Variants in WDR72 observed in about 807,000 individuals in gnomAD.
WDR72 encodes WD repeat domain 72, also known as WD repeat-containing protein 72.
In WDR72, 120 loss-of-function variants were observed where a neutral mutation model predicts 124.2. The observed-to-expected ratio is 0.97, with a 90% CI of 0.83 to 1.12. WDR72 has a LOEUF of 1.12. Ranked by LOEUF, WDR72 falls within the 50% of genes most tolerant of loss-of-function variation. WDR72 has a pLI of 0.00. For synonymous variants in WDR72, 452 were observed against 441.7 expected (o/e 1.02, Z -0.29); for missense variants, 1,387 against 1,278.8 (o/e 1.08, Z -1.29).
At chr15:53,737,355 A>G (rs989017570) in intron 1 of WDR72, among the ~76,000 whole-genome samples, 19 of 152,226 alleles carry the variant, frequency 1.2e-4, no homozygotes, top group African/African-American at 4.6e-4. Flanking sequence ...GAATGAATAA[A>G]TGGATTAAAC....
At chr15:53,636,451 T>G (rs74015841) in intron 14 of WDR72, among the ~76,000 whole-genome samples, 11,838 of 152,124 alleles carry the variant, frequency 0.078, 1,528 homozygotes, top group African/African-American at 0.27. Context: ...TTTTTAAAAA[T>G]TAAATTAAAT....
intron 14 of WDR72, among the ~76,000 whole-genome samples, chr15:53,637,662 T>C (rs117648190): frequency 0.014 from 2,148 of 152,286 alleles, 42 homozygotes; most frequent in East Asian, 0.095. Context: ...TGTGTGCTTT[T>C]CCCTGTGCCT....
At chr15:53,646,249 C>A (rs1168909299) in intron 14 of WDR72, among the ~76,000 whole-genome samples, 1 of 151,996 alleles carries the variant, frequency 6.6e-6, no homozygotes, top group Admixed American at 6.6e-5. Flanking sequence ...AACCAAAGTC[C>A]TAATTATAAA....
chr15:53,563,994 G>A (rs1001683441), intron 18 of WDR72, among the ~76,000 whole-genome samples: 9 of 151,850 alleles, frequency 5.9e-5, no homozygotes, highest in African/African-American at 2.2e-4. Context: ...CCAACTTGAT[G>A]TATAAGTGAA....
At chr15:53,630,632 CA>C (rs1458398212) in intron 14 of WDR72, among the ~76,000 whole-genome samples, 1 of 152,008 alleles carries the variant, frequency 6.6e-6, no homozygotes, top group Non-Finnish European at 1.5e-5. Flanking sequence ...AATAGATGCA[CA>C]AAAAGCATTT....
intron 17 of WDR72, among the ~76,000 whole-genome samples, chr15:53,604,608 C>G (rs556360270): frequency 4.4e-5 from 6 of 135,856 alleles, no homozygotes; most frequent in Non-Finnish European, 9.9e-5. Flanking sequence ...CATCCAGAGT[C>G]TACAAAGAAC....
chr15:53,529,764 C>T (rs947678094), intron 18 of WDR72, among the ~76,000 whole-genome samples: 1 of 151,884 alleles, frequency 6.6e-6, no homozygotes, highest in African/African-American at 2.4e-5. Context: ...GGATGGGGTC[C>T]ATGAAGTCAT....
intron 14 of WDR72, among the ~76,000 whole-genome samples, chr15:53,621,432 T>TATATATAC (rs1555414990): frequency 3.1e-5 from 4 of 127,822 alleles, no homozygotes; most frequent in Non-Finnish European, 5.0e-5. Flanking sequence ...GAAACTGTGA[T>TATATATAC]ATATATATAT....
chr15:53,582,989 A>G (rs1246429245), intron 18 of WDR72, among the ~76,000 whole-genome samples: 1 of 151,982 alleles, frequency 6.6e-6, no homozygotes, highest in Admixed American at 6.6e-5. Context: ...AAATGTAGCT[A>G]GAGTAAAATA....
intron 1 of WDR72, among the ~76,000 whole-genome samples, chr15:53,753,291 G>T (rs1024790313): frequency 6.6e-6 from 1 of 152,200 alleles, no homozygotes; most frequent in African/African-American, 2.4e-5. Context: ...CAGAAATACA[G>T]GCCTATATGG....
chr15:53,591,373 G>A lies in WDR72; in HGVS notation c.3148+5706C>T, dbSNP rs575303383. Among the ~76,000 whole-genome samples the A allele has an allele frequency of 2.0e-3, 298 of 152,100 alleles. 3 individuals carry two copies. Among genetic ancestry groups the A allele is most frequent in the Middle Eastern group, 3.4e-3 (1 of 294 alleles). Reference sequence around the variant, plus strand: ...AGTGATGCATAAAGATGTATTTAAAGTTTTGGAGATAGGCACTGTACAAAA... The same window carrying A: ...AGTGATGCATAAAGATGTATTTAAAATTTTGGAGATAGGCACTGTACAAAA... On this transcript the variant is annotated intron_variant, in intron 18 of 19. Coordinates refer to ENST00000360509, the MANE Select transcript of WDR72 (RefSeq NM_182758.4).
chr15:53,530,072 C>T (rs1892366575), intron 18 of WDR72, among the ~76,000 whole-genome samples: 1 of 143,566 alleles, frequency 7.0e-6, no homozygotes, highest in African/African-American at 2.7e-5. Context: ...TCCAAGGAGA[C>T]AGCTGGTGAG....
intron 14 of WDR72, among the ~76,000 whole-genome samples, chr15:53,638,456 C>T (rs952186102): frequency 2.0e-5 from 3 of 152,070 alleles, no homozygotes; most frequent in Admixed American, 2.0e-4. Flanking sequence ...GGCAACATGC[C>T]AAAGGCTTGT....
chr15:53,659,458 C>G (rs1170548001), intron 14 of WDR72, among the ~76,000 whole-genome samples: 1 of 152,060 alleles, frequency 6.6e-6, no homozygotes, highest in Non-Finnish European at 1.5e-5. Context: ...TAGATACAAG[C>G]CAGGCTTTGA....
At chr15:53,620,653 T>C (rs562732959) in intron 14 of WDR72, among the ~76,000 whole-genome samples, 23 of 152,130 alleles carry the variant, frequency 1.5e-4, no homozygotes, top group Non-Finnish European at 2.8e-4. Flanking sequence ...CAACCCATGA[T>C]GGATCAAGGA....
rs12909133 is a variant in WDR72 at position 53,545,694 on chromosome 15, C to G, written c.3149-22372G>C. On this transcript the variant is annotated intron_variant, in intron 18 of 19. Coordinates refer to ENST00000360509, the MANE Select transcript of WDR72 (RefSeq NM_182758.4). ...TAATTAAACTAAAGAGCTTCTGCAC[C>G]GCAAAAGAAACTACCATCAGAGTGA... 4.7e-4 allele frequency among the ~76,000 whole-genome samples: 57 copies of G among 120,372 alleles called. 7 individuals carry two copies. The highest frequency in any genetic ancestry group is 1.8e-3 in the African/African-American group (53 of 29,024). 79.0% of individuals were successfully genotyped at this position (120,372 alleles called of 152,430 possible). A position where few individuals can be genotyped will look rare whatever the true frequency, so the allele number is the denominator to read the frequency against.
At chr15:53,531,653 G>A (rs543633252) in intron 18 of WDR72, among the ~76,000 whole-genome samples, 2 of 152,108 alleles carry the variant, frequency 1.3e-5, no homozygotes, top group Admixed American at 6.5e-5. Flanking sequence ...AGAAAGCCAA[G>A]TTTTAAAGAG....
In WDR72 at chr15:53,711,500, G is replaced by A. The variant is rs763005143; in HGVS notation, c.712-19C>T. ...CATAAACCTAAAATATGAAGTTGAT[G>A]CACATTATCAAAGGCTTAAATCTAG... On this transcript the variant is annotated intron_variant, in intron 7 of 19. Coordinates refer to ENST00000360509, the MANE Select transcript of WDR72 (RefSeq NM_182758.4). The A allele has an allele frequency of 1.2e-6, 2 of 1,613,408 alleles. No homozygotes were observed. Among genetic ancestry groups the A allele is most frequent in the South Asian group, 1.1e-5 (1 of 91,070 alleles).
intron 17 of WDR72, among the ~76,000 whole-genome samples, chr15:53,608,569 A>G (rs1220705885): frequency 3.3e-5 from 5 of 151,648 alleles, no homozygotes; most frequent in African/African-American, 4.8e-5. Flanking sequence ...AGCCTGGGCA[A>G]CATGGCAAAA....
Sources: allele counts gnomAD v4.1 joint callset (sites outside exome capture counted in the v4.1 genomes callset), GRCh38; gene constraint gnomAD v4.1.1; transcripts MANE v1.5; gene names NCBI Gene and HGNC (gene_info 2026-07-23, HGNC 2026-07-21).